PTPN9: variants seen among roughly 807,000 people sequenced by gnomAD.
PTPN9 encodes tyrosine-protein phosphatase non-receptor type 9.
Under a neutral mutation model 69.8 loss-of-function variants are expected in PTPN9, and 26 were observed. The ratio of observed to expected loss-of-function variants is 0.37; its 90% CI spans 0.27 to 0.52. The LOEUF is 0.52. Ranked by LOEUF, PTPN9 falls within the 20% of genes least tolerant of loss-of-function variation. The pLI is 0.91. For missense variants in PTPN9, 549 were observed against 740.3 expected (o/e 0.74, Z 3.00); for synonymous variants, 274 against 272.5 (o/e 1.01, Z -0.05).
chr15:75,514,961 G>A (rs2074862098), intron 5 of PTPN9, among the ~76,000 whole-genome samples: 1 of 152,142 alleles, frequency 6.6e-6, no homozygotes, highest in Non-Finnish European at 1.5e-5. Context: ...GGGTACGACT[G>A]CTTTGAAACA....
At chr15:75,540,548 A>G (rs1025082349) in intron 1 of PTPN9, among the ~76,000 whole-genome samples, 19 of 120,710 alleles carry the variant, frequency 1.6e-4, no homozygotes, top group African/African-American at 6.2e-4. Context: ...GTCTCTAAAA[A>G]AAAAAAAAAA....
At chr15:75,574,784 T>C (rs1035324316) in intron 1 of PTPN9, among the ~76,000 whole-genome samples, 2 of 151,142 alleles carry the variant, frequency 1.3e-5, no homozygotes, top group African/African-American at 2.4e-5. Context: ...CTACTAAAAA[T>C]ACAAAAACTT....
At chr15:75,562,749 G>A (rs896704870) in intron 1 of PTPN9, among the ~76,000 whole-genome samples, 15 of 139,850 alleles carry the variant, frequency 1.1e-4, no homozygotes. Context: ...GGAGAATGGC[G>A]TGAACTGCAC....
At chr15:75,523,067 C>G in intron 4 of PTPN9, 54 bp downstream of exon 4, 1 of 1,596,142 alleles carries the variant, frequency 6.3e-7, no homozygotes, top group Non-Finnish European at 8.5e-7. Flanking sequence ...AAGTAAAAAA[C>G]TGTCACTTTC....
Position 75,552,954 on chromosome 15 carries a change from C to T in PTPN9, c.64-25693G>A, listed in dbSNP as rs1009977741. On this transcript the variant is annotated intron_variant, in intron 1 of 12. Coordinates refer to ENST00000618819, the MANE Select transcript of PTPN9 (RefSeq NM_002833.4). ...GATGGTGCAATGGGCTAGAATGGTA[C>T]TAAAAAGCAACGGCCTTTAGAGTCA... Among the ~76,000 whole-genome samples, 12 of 151,778 alleles carry T rather than the reference C, an allele frequency of 7.9e-5. 1 individual carries two copies. The highest frequency in any genetic ancestry group is 2.9e-4 in the African/African-American group (12 of 41,310).
chr15:75,563,603 A>G (rs973020122), intron 1 of PTPN9, among the ~76,000 whole-genome samples: 3 of 152,176 alleles, frequency 2.0e-5, no homozygotes, highest in African/African-American at 7.2e-5. Flanking sequence ...TGGTTGGTGT[A>G]TATGTACCAC....
chr15:75,547,504 A>T (rs1317674817), intron 1 of PTPN9, among the ~76,000 whole-genome samples: 1 of 151,502 alleles, frequency 6.6e-6, no homozygotes, highest in African/African-American at 2.4e-5. Context: ...GACAAAAAAA[A>T]CCTCTGTGCC....
rs534409831 is a variant in PTPN9, at chr15:75,499,674, G to T, written c.968+6001C>A. On this transcript the variant is annotated intron_variant, in intron 7 of 12. Transcript: ENST00000618819. Reference sequence around the variant, plus strand: ...CAGCCTCAACCTCCCAAAGTGCTGCGATTACAGGCGTGAGCCACCGCGCCC... The same window carrying T: ...CAGCCTCAACCTCCCAAAGTGCTGCTATTACAGGCGTGAGCCACCGCGCCC... 3.6e-3 allele frequency among the ~76,000 whole-genome samples: 553 copies of T among 151,874 alleles called. 6 individuals are homozygous for T. Among genetic ancestry groups the T allele is most frequent in the South Asian group, 6.9e-3 (33 of 4,802 alleles).
At position 75,548,419 on chromosome 15, in the gene PTPN9, C is replaced by A. The variant is rs535350497; in HGVS notation, c.64-21158G>T. On this transcript the variant is annotated intron_variant, in intron 1 of 12. Coordinates refer to ENST00000618819, the MANE Select transcript of PTPN9 (RefSeq NM_002833.4). ...TACAGGCGCCCACCACCATGCCCAG[C>A]TAATTTTTGCACTTTTAATAGAGAT... 5.2e-4 allele frequency among the ~76,000 whole-genome samples: 79 copies of A among 151,340 alleles called. 2 individuals carry two copies. Among genetic ancestry groups the A allele is most frequent in the South Asian group, 6.3e-4 (3 of 4,770 alleles).
In PTPN9 at chr15:75,578,795, G is replaced by T. The variant is rs1434253838; in HGVS notation, c.-19C>A. 1.6e-6 allele frequency: 2 copies of T among 1,230,054 alleles called. No homozygotes were observed. Among genetic ancestry groups the T allele is most frequent in the Non-Finnish European group, 2.0e-6 (2 of 986,822 alleles). 76.2% of individuals were successfully genotyped at this position (1,230,054 alleles called of 1,614,324 possible). A position where few individuals can be genotyped will look rare whatever the true frequency, so the allele number is the denominator to read the frequency against. The stretch of plus-strand genomic sequence containing the variant: ...GCTCCATCCCCCCGCCACCGCCGCC[G>T]GGCGGACAAAACTCGCTCGCGAGCG... On this transcript the variant is annotated 5_prime_UTR_variant, in exon 1 of 13. Coordinates refer to ENST00000618819, the MANE Select transcript of PTPN9 (RefSeq NM_002833.4).
At chr15:75,571,167 G>A in intron 1 of PTPN9, among the ~76,000 whole-genome samples, 1 of 151,844 alleles carries the variant, frequency 6.6e-6, no homozygotes, top group East Asian at 2.0e-4. Context: ...GGCTGAGGCA[G>A]GAGAATTGCT....
In PTPN9 at chr15:75,465,514, T is replaced by G. The variant is rs1000257524; in HGVS notation, c.*3255A>C. On this transcript the variant is annotated 3_prime_UTR_variant, in exon 13 of 13. Transcript: ENST00000618819. ...CCTTCCCTTTCCTTTACCTCCTCCTTTAACACCTAACACAGGTAGGTTCAC... is the reference window on the plus strand; with the variant it reads ...CCTTCCCTTTCCTTTACCTCCTCCTGTAACACCTAACACAGGTAGGTTCAC... 4 of 152,206 alleles carry G rather than the reference T, an allele frequency of 2.6e-5. No individual in the cohort carries two copies. Among genetic ancestry groups the G allele is most frequent in the Non-Finnish European group, 1.5e-5 (1 of 68,056 alleles). 9.4% of individuals were successfully genotyped at this position (152,206 alleles called of 1,614,324 possible). A position where few individuals can be genotyped will look rare whatever the true frequency, so the allele number is the denominator to read the frequency against.
At chr15:75,469,739 TCGTCCA>T in intron 12 of PTPN9, 47 bp downstream of exon 12, 1 of 1,577,058 alleles carries the variant, frequency 6.3e-7, no homozygotes, top group Non-Finnish European at 8.7e-7. Context: ...TTGTTTTTCC[TCGTCCA>T]CCCCTACTGC....
rs1477938766 is a variant in PTPN9, at chr15:75,464,907, G to T, written c.*3862C>A. The T allele has an allele frequency of 6.6e-6, 1 of 152,130 alleles. No individual in the cohort carries two copies. Among genetic ancestry groups the T allele is most frequent in the Non-Finnish European group, 1.5e-5 (1 of 68,038 alleles). 9.4% of individuals were successfully genotyped at this position (152,130 alleles called of 1,614,324 possible). On this transcript the variant is annotated 3_prime_UTR_variant, in exon 13 of 13. Coordinates refer to ENST00000618819, the MANE Select transcript of PTPN9 (RefSeq NM_002833.4). Reference sequence around the variant, plus strand: ...GATGCTGGGGCACCCTTCGTCTCAGGAGTCCCATCCTAGCCAATGAGGATG... The same window carrying T: ...GATGCTGGGGCACCCTTCGTCTCAGTAGTCCCATCCTAGCCAATGAGGATG...
intron 7 of PTPN9, among the ~76,000 whole-genome samples, chr15:75,503,550 G>A (rs868221720): frequency 1.5e-4 from 17 of 111,950 alleles, no homozygotes; most frequent in South Asian, 5.7e-4. Flanking sequence ...GAGGTGGGGG[G>A]GTCAGCCCCC....
intron 7 of PTPN9, among the ~76,000 whole-genome samples, chr15:75,504,669 G>A (rs1288618663): frequency 4.9e-5 from 7 of 143,554 alleles, no homozygotes; most frequent in East Asian, 4.4e-4. Context: ...CCGGCCAGCC[G>A]CCCTGTCCGG....
chr15:75,505,575 A>T, intron 7 of PTPN9, 100 bp downstream of exon 7: 1 of 813,164 alleles, frequency 1.2e-6, no homozygotes, highest in South Asian at 1.7e-5. Context: ...AACATAAGGA[A>T]GGGTCTCTGC....
At position 75,498,494 on chromosome 15, in the gene PTPN9, C is replaced by T. The variant is rs529058233; in HGVS notation, c.968+7181G>A. Among the ~76,000 whole-genome samples, 23 of 152,114 alleles carry T rather than the reference C, an allele frequency of 1.5e-4. No individual in the cohort carries two copies. The East Asian group carries it at 4.3e-3, about 28-fold the overall frequency. On this transcript the variant is annotated intron_variant, in intron 7 of 12. Transcript: ENST00000618819. ...CTTTGGGAGGCCGAGGTGAGTGGATCACCTGAGGTCAGGAGTTTGAGATCA... is the reference window on the plus strand; with the variant it reads ...CTTTGGGAGGCCGAGGTGAGTGGATTACCTGAGGTCAGGAGTTTGAGATCA...
chr15:75,553,190 T>G (rs1394234744), intron 1 of PTPN9, among the ~76,000 whole-genome samples: 1 of 152,068 alleles, frequency 6.6e-6, no homozygotes, highest in Non-Finnish European at 1.5e-5. Context: ...CAAAATGAAA[T>G]TTAAGGATAT....
Sources: allele counts gnomAD v4.1 joint callset (sites outside exome capture counted in the v4.1 genomes callset), GRCh38; gene constraint gnomAD v4.1.1; transcripts MANE v1.5; gene names NCBI Gene and HGNC (gene_info 2026-07-23, HGNC 2026-07-21).